Variants in CADPS observed in about 807,000 individuals in gnomAD.
CADPS encodes the protein calcium dependent secretion activator, also known as calcium-dependent secretion activator 1.
A neutral mutation model predicts 167.3 loss-of-function variants in CADPS; 57 were observed. That is an observed-to-expected ratio of 0.34 (90% CI 0.28 to 0.42). The LOEUF (loss-of-function observed/expected upper bound fraction) is 0.42. Among genes scored for constraint, CADPS ranks in the 20% least tolerant of loss-of-function variants. CADPS has a pLI of 1.00. For missense variants in CADPS, 1,414 were observed against 1,738.1 expected (o/e 0.81, Z 3.32); for synonymous variants, 676 against 635.3 (o/e 1.06, Z -0.96).
chr3:62,726,048 A>G (rs1047769977), intron 3 of CADPS, among the ~76,000 whole-genome samples: 5 of 151,698 alleles, frequency 3.3e-5, no homozygotes, highest in African/African-American at 4.9e-5. Flanking sequence ...CTGACGGCCT[A>G]TGGTTAAGAA....
chr3:62,826,446 G>A (rs1433395595), intron 1 of CADPS, among the ~76,000 whole-genome samples: 3 of 152,110 alleles, frequency 2.0e-5, no homozygotes, highest in African/African-American at 7.2e-5. Flanking sequence ...GGGGAAAGGG[G>A]ATATAGGATC....
chr3:62,709,962 G>A lies in CADPS; in HGVS notation c.888+43479C>T, dbSNP rs1049672440. On this transcript the variant is annotated intron_variant, in intron 3 of 29. Coordinates refer to ENST00000383710, the MANE Select transcript of CADPS (RefSeq NM_003716.4). ...TTTTTTTTGTATTTTAGTAGAGACAGGGTTTCACCATGTTGGCCAGACTGG... is the reference window on the plus strand; with the variant it reads ...TTTTTTTTGTATTTTAGTAGAGACAAGGTTTCACCATGTTGGCCAGACTGG... Among the ~76,000 whole-genome samples, 5 of 151,370 alleles carry A rather than the reference G, an allele frequency of 3.3e-5. No homozygotes were observed. In the South Asian group the frequency reaches 6.3e-4, roughly 19 times the overall value.
At chr3:62,668,076 A>G (rs963784340) in intron 3 of CADPS, among the ~76,000 whole-genome samples, 12 of 152,022 alleles carry the variant, frequency 7.9e-5, no homozygotes, top group Non-Finnish European at 1.3e-4. Context: ...TCAACCCTAG[A>G]CTCTTCCAAA....
chr3:62,710,533 G>C (rs1015160074), intron 3 of CADPS, among the ~76,000 whole-genome samples: 7 of 151,916 alleles, frequency 4.6e-5, no homozygotes, highest in African/African-American at 1.7e-4. Flanking sequence ...TTAACCACAG[G>C]CCAGATCAAG....
chr3:62,871,381 G>T (rs534549888), intron 1 of CADPS, among the ~76,000 whole-genome samples: 2 of 152,222 alleles, frequency 1.3e-5, no homozygotes, highest in African/African-American at 4.8e-5. Context: ...TTTGCCCATA[G>T]TGACTATATT....
At chr3:62,596,587 TG>T (rs1173431282) in intron 6 of CADPS, among the ~76,000 whole-genome samples, 2 of 152,348 alleles carry the variant, frequency 1.3e-5, no homozygotes, top group Non-Finnish European at 2.9e-5. Context: ...TATCATTTTT[TG>T]TATGTGTTGG....
intron 11 of CADPS, among the ~76,000 whole-genome samples, chr3:62,546,744 C>T (rs934601452): frequency 1.3e-5 from 2 of 152,070 alleles, no homozygotes; most frequent in African/African-American, 4.8e-5. Flanking sequence ...TGCATTATAT[C>T]CAGTATTATA....
chr3:62,822,297 T>C (rs2073119274), intron 1 of CADPS, among the ~76,000 whole-genome samples: 2 of 152,186 alleles, frequency 1.3e-5, no homozygotes, highest in African/African-American at 4.8e-5. Context: ...CCCTTGATCT[T>C]TTTCACCTTC....
At chr3:62,415,369 T>C (rs1421822761) in intron 28 of CADPS, among the ~76,000 whole-genome samples, 3 of 152,152 alleles carry the variant, frequency 2.0e-5, no homozygotes, top group African/African-American at 7.2e-5. Context: ...CATGACCTCC[T>C]GTTCCTTGCC....
chr3:62,759,960 T>C (rs1459807392), intron 2 of CADPS, among the ~76,000 whole-genome samples: 1 of 152,172 alleles, frequency 6.6e-6, no homozygotes, highest in Non-Finnish European at 1.5e-5. Context: ...CACCAAAAAG[T>C]AAAGGATTCT....
intron 3 of CADPS, among the ~76,000 whole-genome samples, chr3:62,684,033 T>C (rs1301890203): frequency 2.6e-5 from 4 of 152,060 alleles, no homozygotes; most frequent in Non-Finnish European, 4.4e-5. Flanking sequence ...TCCCACTCTA[T>C]ACTGCTTTCT....
chr3:62,821,561 T>C (rs188444658), intron 1 of CADPS, among the ~76,000 whole-genome samples: 169 of 152,254 alleles, frequency 1.1e-3, no homozygotes, highest in South Asian at 3.7e-3. Flanking sequence ...CTTCCCTCTA[T>C]GTCTGTGTCT....
Position 62,731,831 on chromosome 3 carries a change from GTAAA to G in CADPS, c.888+21606_888+21609del, listed in dbSNP as rs1308195135. 1.7e-3 allele frequency among the ~76,000 whole-genome samples: 91 copies of G among 52,430 alleles called. 1 individual carries two copies. The highest frequency in any genetic ancestry group is 5.9e-3 in the African/African-American group (67 of 11,420). 34.4% of individuals were successfully genotyped at this position (52,430 alleles called of 152,430 possible). Reference sequence around the variant, plus strand: ...AAAAAAAAAAAAAAAAAAAAAAAAAGTAAAGAAGGAAGAAAGGAAAGAAAGGAAA... The same window carrying G: ...AAAAAAAAAAAAAAAAAAAAAAAAAGGAAGGAAGAAAGGAAAGAAAGGAAA... On this transcript the variant is annotated intron_variant, in intron 3 of 29. Coordinates refer to ENST00000383710, the MANE Select transcript of CADPS (RefSeq NM_003716.4).
At chr3:62,685,664 G>A (rs1013356487) in intron 3 of CADPS, among the ~76,000 whole-genome samples, 2 of 139,274 alleles carry the variant, frequency 1.4e-5, no homozygotes, top group Non-Finnish European at 3.1e-5. Flanking sequence ...CAAACTTCGT[G>A]GAAGATAATT....
intron 7 of CADPS, among the ~76,000 whole-genome samples, chr3:62,591,291 T>C (rs909911177): frequency 6.6e-5 from 10 of 152,216 alleles, no homozygotes; most frequent in Middle Eastern, 3.2e-3. Flanking sequence ...CTGTCAATTC[T>C]GTTTCTTTCT....
intron 3 of CADPS, among the ~76,000 whole-genome samples, chr3:62,716,133 C>T (rs1258961759): frequency 6.6e-6 from 1 of 152,058 alleles, no homozygotes; most frequent in African/African-American, 2.4e-5. Flanking sequence ...GATCTTGGCT[C>T]ATTGCAACCT....
intron 28 of CADPS, among the ~76,000 whole-genome samples, chr3:62,428,296 CTTTTT>C (rs34002756): frequency 7.7e-5 from 5 of 64,662 alleles, no homozygotes; most frequent in East Asian, 2.0e-3. Flanking sequence ...GGAAGCAAGA[CTTTTT>C]TTTTTTTTTT....
intron 1 of CADPS, among the ~76,000 whole-genome samples, chr3:62,806,361 TAAAAAAAAAAA>T (rs11328861): frequency 7.2e-6 from 1 of 138,010 alleles, no homozygotes; most frequent in South Asian, 2.4e-4. Flanking sequence ...CGTCTTTAGT[TAAAAAAAAAAA>T]AAAAAAAAAA....
At chr3:62,467,215 G>T in intron 24 of CADPS, 1 of 542,238 alleles carries the variant, frequency 1.8e-6, no homozygotes, top group Non-Finnish European at 2.7e-6. Flanking sequence ...GATCATTTTA[G>T]TATCCATTTG....
Sources: allele counts gnomAD v4.1 joint callset (sites outside exome capture counted in the v4.1 genomes callset), GRCh38; gene constraint gnomAD v4.1.1; transcripts MANE v1.5; gene names NCBI Gene and HGNC (gene_info 2026-07-23, HGNC 2026-07-21).